Variants in COL27A1 observed in about 807,000 individuals in gnomAD.
The protein encoded by COL27A1 is collagen alpha-1(XXVII) chain.
Under a neutral mutation model 251.3 loss-of-function variants are expected in COL27A1, and 106 were observed. The observed-to-expected ratio is 0.42, with a 90% CI of 0.36 to 0.50. COL27A1 has a LOEUF of 0.50. Among genes scored for constraint, COL27A1 ranks in the 20% least tolerant of loss-of-function variants. The pLI is 0.00. For missense variants in COL27A1, 2,325 were observed against 2,522.8 expected, an observed-to-expected ratio of 0.92 and a Z score of 1.68; for synonymous variants, 1,000 against 986.3, an observed-to-expected ratio of 1.01 and a Z score of -0.26.
chr9:114,244,403 A>C (rs1056473470), intron 23 of COL27A1, among the ~76,000 whole-genome samples: 6 of 152,230 alleles, frequency 3.9e-5, no homozygotes, highest in African/African-American at 1.4e-4. Context: ...AAATGTTATC[A>C]AAAAAGACCT....
chr9:114,263,024 C>T (rs566352219), intron 28 of COL27A1, among the ~76,000 whole-genome samples: 34 of 145,240 alleles, frequency 2.3e-4, no homozygotes, highest in Non-Finnish European at 3.0e-4. Context: ...CTGCAAGCTC[C>T]GCCTCCTGGG....
chr9:114,281,646 T>A (rs1039961909), intron 37 of COL27A1, among the ~76,000 whole-genome samples: 1 of 152,140 alleles, frequency 6.6e-6, no homozygotes, highest in African/African-American at 2.4e-5. Context: ...ACGCACAACA[T>A]CTCAGAGATA....
chr9:114,236,706 C>T (rs1832422548), intron 17 of COL27A1, among the ~76,000 whole-genome samples: 1 of 152,232 alleles, frequency 6.6e-6, no homozygotes, highest in Non-Finnish European at 1.5e-5. Context: ...GAGTCAGAGG[C>T]ACCACAGAGC....
At chr9:114,199,539 C>T (rs1353878722) in intron 7 of COL27A1, among the ~76,000 whole-genome samples, 1 of 152,170 alleles carries the variant, frequency 6.6e-6, no homozygotes, top group Non-Finnish European at 1.5e-5. Flanking sequence ...TGTGCCCTCC[C>T]CAGGCATGCC....
At chr9:114,241,962 G>A (rs1368767507) in intron 21 of COL27A1, among the ~76,000 whole-genome samples, 1 of 152,192 alleles carries the variant, frequency 6.6e-6, no homozygotes, top group African/African-American at 2.4e-5. Context: ...ATGAAGCCTG[G>A]AGTCTCCATT....
At chr9:114,280,220 T>C (rs1654099347) in intron 37 of COL27A1, among the ~76,000 whole-genome samples, 1 of 152,126 alleles carries the variant, frequency 6.6e-6, no homozygotes, top group African/African-American at 2.4e-5. Context: ...TTTTTTTTTT[T>C]TTTTCTTTTG....
chr9:114,186,686 C>T (rs1014265917), intron 5 of COL27A1, among the ~76,000 whole-genome samples: 2 of 152,146 alleles, frequency 1.3e-5, no homozygotes, highest in Non-Finnish European at 2.9e-5. Context: ...GTATGATTTT[C>T]GGACTTTATC....
intron 34 of COL27A1, 172 bp from the exon 35 acceptor site, chr9:114,269,069 A>C: frequency 1.8e-6 from 1 of 550,676 alleles, no homozygotes; most frequent in Admixed American, 3.4e-5. Flanking sequence ...GCTTACTTGG[A>C]ACAGGAGCTC....
Position 114,288,967 on chromosome 9 carries a change from C to T in COL27A1, c.4152C>T (p.Pro1384=), listed in dbSNP as rs745999870. The T allele has an allele frequency of 6.2e-6, 10 of 1,613,592 alleles. No homozygotes were observed. The highest frequency in any genetic ancestry group is 1.6e-4 in the Middle Eastern group (1 of 6,082). Residue 1384 remains proline, a splice_region_variant and synonymous_variant, in exon 44 of 61, where the codon CCC becomes CCT. Coordinates refer to ENST00000356083, the MANE Select transcript of COL27A1 (RefSeq NM_032888.4). ...LRGKPGQQGQ[P]GHPGPRGWPG... is the part of the protein sequence containing the mutation. ...GAAAGCCAGGCCAGCAGGGCCAACC[C>T]GTGAGTGGTGCTTCGTGTCCCATCC...
Position 114,263,583 on chromosome 9 carries a change from C to T in COL27A1, c.3196-772C>T, listed in dbSNP as rs138796653. Among the ~76,000 whole-genome samples, 559 of 152,250 alleles carry T rather than the reference C, an allele frequency of 3.7e-3. 6 individuals are homozygous for T. Among genetic ancestry groups the T allele is most frequent in the African/African-American group, 0.012 (508 of 41,532 alleles). On this transcript the variant is annotated intron_variant, in intron 28 of 60. Transcript: ENST00000356083. ...GTGGAGCCCACATGGGGGATGAGAG[C>T]GGCTAATGTGTTAGGGACCTTAGCT...
intron 24 of COL27A1, among the ~76,000 whole-genome samples, chr9:114,249,910 T>A (rs1833404098): frequency 6.6e-6 from 1 of 152,202 alleles, no homozygotes; most frequent in South Asian, 2.1e-4. Context: ...GGGGCCTGAA[T>A]AAGAAATTGA....
chr9:114,304,518 T>G, intron 56 of COL27A1, 90 bp from the exon 57 acceptor site: 1 of 1,211,304 alleles, frequency 8.3e-7, no homozygotes, highest in African/African-American at 1.5e-5. Context: ...GCCAAGATCC[T>G]GCCAGGGAAT....
intron 5 of COL27A1, among the ~76,000 whole-genome samples, chr9:114,186,224 G>A (rs968711796): frequency 1.1e-4 from 17 of 152,258 alleles, no homozygotes; most frequent in Non-Finnish European, 1.6e-4. Flanking sequence ...AGGGAAGGGA[G>A]CTTGTCAGCT....
At chr9:114,177,361 G>A (rs1260675864) in intron 3 of COL27A1, among the ~76,000 whole-genome samples, 1 of 152,180 alleles carries the variant, frequency 6.6e-6, no homozygotes, top group Non-Finnish European at 1.5e-5. Context: ...GTGGGAAATG[G>A]GGAGCCCTTA....
intron 56 of COL27A1, among the ~76,000 whole-genome samples, chr9:114,302,805 G>T (rs1828752687): frequency 6.6e-6 from 1 of 150,844 alleles, no homozygotes; most frequent in Non-Finnish European, 1.5e-5. Context: ...GGCCACTGTG[G>T]CCCTATCTGA....
chr9:114,279,817 T>C (rs901694284), intron 37 of COL27A1, among the ~76,000 whole-genome samples: 1 of 152,054 alleles, frequency 6.6e-6, no homozygotes, highest in African/African-American at 2.4e-5. Context: ...TGAGCCACTG[T>C]GTTCCAGCCT....
intron 44 of COL27A1, 119 bp downstream of exon 44, chr9:114,289,086 C>A (rs1827720615): frequency 7.1e-7 from 1 of 1,399,948 alleles, no homozygotes; most frequent in Admixed American, 2.1e-5. Flanking sequence ...GGGTCTGGGG[C>A]AGCCATTTCT....
intron 39 of COL27A1, among the ~76,000 whole-genome samples, chr9:114,283,180 C>A (rs1286986496): frequency 6.6e-6 from 1 of 152,208 alleles, no homozygotes; most frequent in African/African-American, 2.4e-5. Flanking sequence ...TAAATGCTCC[C>A]TCCATGTCTG....
chr9:114,235,789 C>G (rs745393027), intron 17 of COL27A1, 137 bp downstream of exon 17: 5 of 717,854 alleles, frequency 7.0e-6, no homozygotes, highest in Non-Finnish European at 1.3e-5. Flanking sequence ...ATCCAGTCTT[C>G]TCCATCCTTG....
Sources: gnomAD v4.1 joint callset for allele counts (sites outside exome capture counted in the v4.1 genomes callset) on GRCh38, gnomAD v4.1.1 for gene constraint, MANE v1.5 for transcripts, NCBI Gene and HGNC (gene_info 2026-07-23, HGNC 2026-07-21) for gene names.